Variants in RGS7 observed in about 807,000 individuals in gnomAD.
RGS7 encodes the protein regulator of G-protein signaling 7.
A neutral mutation model predicts 81.1 loss-of-function variants in RGS7; 27 were observed. That is an observed-to-expected ratio of 0.33 (90% CI 0.25 to 0.46). The LOEUF is 0.46. RGS7 is among the 20% of genes least tolerant of loss of function. The pLI is 1.00. For synonymous variants in RGS7, 208 were observed against 207.7 expected (o/e 1.00, Z -0.01); for missense variants, 396 against 607.4 (o/e 0.65, Z 3.66).
chr1:241,180,799 T>C (rs560669391), intron 2 of RGS7, among the ~76,000 whole-genome samples: 1 of 152,196 alleles, frequency 6.6e-6, no homozygotes, highest in South Asian at 2.1e-4. Context: ...CGCACGGGAG[T>C]CAAGAGCTCT....
intron 4 of RGS7, among the ~76,000 whole-genome samples, chr1:240,963,206 G>T (rs1179466401): frequency 6.6e-6 from 1 of 152,108 alleles, no homozygotes; most frequent in East Asian, 1.9e-4. Flanking sequence ...CACAGATTTG[G>T]GGATAGAAGA....
At chr1:240,903,422 G>T (rs1476034986) in intron 6 of RGS7, among the ~76,000 whole-genome samples, 1 of 151,922 alleles carries the variant, frequency 6.6e-6, no homozygotes, top group East Asian at 1.9e-4. Context: ...TTCCATGTTG[G>T]ACAGCACAAA....
intron 2 of RGS7, among the ~76,000 whole-genome samples, chr1:241,185,933 A>G (rs1222860796): frequency 6.6e-6 from 1 of 152,168 alleles, no homozygotes; most frequent in Non-Finnish European, 1.5e-5. Flanking sequence ...AAACAAATTA[A>G]ACCCAAAACA....
chr1:241,164,427 G>T lies in RGS7; in HGVS notation c.79-65665C>A, dbSNP rs527385756. Among the ~76,000 whole-genome samples, 1 of 151,944 alleles carries T rather than the reference G, an allele frequency of 6.6e-6. No homozygotes were observed. Among genetic ancestry groups the T allele is most frequent in the Non-Finnish European group, 1.5e-5 (1 of 68,000 alleles). On this transcript the variant is annotated intron_variant, in intron 2 of 18. Transcript: ENST00000440928. This position sits in a 1 kb window ranked among gnomAD's most constrained non-coding sequence, Gnocchi z 4.1. ...CCAATCATGCATTGGTCTTTTCAGC[G>T]TCCGGTCCCCATCCTGAAGCCACCT...
intron 9 of RGS7, among the ~76,000 whole-genome samples, chr1:240,865,008 A>G (rs1662973400): frequency 6.6e-6 from 1 of 152,060 alleles, no homozygotes; most frequent in Non-Finnish European, 1.5e-5. Flanking sequence ...CTTTTCACGA[A>G]GAAAGCTGAA....
chr1:241,078,485 A>ATGTGTGTGTG (rs60742879), intron 3 of RGS7, among the ~76,000 whole-genome samples: 14 of 143,610 alleles, frequency 9.7e-5, no homozygotes, highest in Middle Eastern at 3.7e-3. Context: ...CACGTAAGTT[A>ATGTGTGTGTG]TGTGTGTGTG....
At chr1:241,126,685 GC>G (rs1314406920) in intron 2 of RGS7, among the ~76,000 whole-genome samples, 1 of 152,118 alleles carries the variant, frequency 6.6e-6, no homozygotes, top group South Asian at 2.1e-4. Flanking sequence ...CCTACCTCCA[GC>G]CCCCCATACA....
intron 3 of RGS7, among the ~76,000 whole-genome samples, chr1:241,070,084 G>A (rs995445434): frequency 6.6e-6 from 1 of 152,284 alleles, no homozygotes; most frequent in Non-Finnish European, 1.5e-5. Context: ...AAGGACAGCA[G>A]TCACCTGCTC....
intron 2 of RGS7, among the ~76,000 whole-genome samples, chr1:241,296,540 A>C (rs940418919): frequency 6.6e-6 from 1 of 152,262 alleles, no homozygotes; most frequent in African/African-American, 2.4e-5. Flanking sequence ...TTTTAAAAAC[A>C]CATCTGGAGT....
At chr1:240,880,869 G>A (rs1006866038) in intron 6 of RGS7, among the ~76,000 whole-genome samples, 2 of 152,044 alleles carry the variant, frequency 1.3e-5, no homozygotes, top group Non-Finnish European at 2.9e-5. Context: ...TTTCCACTCT[G>A]TGCTAATAAT....
chr1:240,888,057 C>T (rs145594949), intron 6 of RGS7, among the ~76,000 whole-genome samples: 247 of 152,284 alleles, frequency 1.6e-3, no homozygotes, highest in African/African-American at 5.6e-3. Context: ...GGAGTATAGA[C>T]AAAGCTTCTA....
chr1:241,100,002 CTTTTT>C (rs1429485775), intron 2 of RGS7, among the ~76,000 whole-genome samples: 1 of 132,374 alleles, frequency 7.6e-6, no homozygotes, highest in African/African-American at 2.9e-5. Flanking sequence ...GTTATCTTTT[CTTTTT>C]ATCTATAAGC....
intron 3 of RGS7, among the ~76,000 whole-genome samples, chr1:241,013,236 T>C (rs919330171): frequency 6.6e-6 from 1 of 152,008 alleles, no homozygotes; most frequent in Non-Finnish European, 1.5e-5. Flanking sequence ...CTAATATTTG[T>C]ATTTTTTCTA....
At chr1:240,861,139 A>G (rs144518364) in intron 9 of RGS7, among the ~76,000 whole-genome samples, 1 of 152,306 alleles carries the variant, frequency 6.6e-6, no homozygotes, top group African/African-American at 2.4e-5. Context: ...CGAAAATGCT[A>G]CAAAATGCTG....
chr1:241,341,409 T>C (rs918095829), intron 2 of RGS7, among the ~76,000 whole-genome samples: 2 of 152,190 alleles, frequency 1.3e-5, no homozygotes, highest in Non-Finnish European at 2.9e-5. Context: ...TATACGTACA[T>C]GTAAAAATAC....
chr1:241,274,919 A>G (rs567676469), intron 2 of RGS7, among the ~76,000 whole-genome samples: 1 of 152,360 alleles, frequency 6.6e-6, no homozygotes, highest in Admixed American at 6.5e-5. Context: ...CAGAGTACTG[A>G]CGAGATATTT....
Position 240,870,133 on chromosome 1 carries a change from C to G in RGS7, c.386-14G>C, listed in dbSNP as rs774895266. 1.2e-6 allele frequency: 2 copies of G among 1,610,516 alleles called. No homozygotes were observed. The highest frequency in any genetic ancestry group is 2.2e-5 in the South Asian group (2 of 91,000). On this transcript the variant is annotated splice_polypyrimidine_tract_variant and intron_variant, in intron 6 of 18. Coordinates refer to ENST00000440928, the MANE Select transcript of RGS7 (RefSeq NM_001364886.1). ...AGAGGTAAACGGCTGAAAAAAAAAT[C>G]AATCATTTCTTGCCTGCTTATCAAC...
At chr1:240,923,082 G>A (rs922894618) in intron 6 of RGS7, among the ~76,000 whole-genome samples, 1 of 151,990 alleles carries the variant, frequency 6.6e-6, no homozygotes, top group Admixed American at 6.6e-5. Context: ...CTTGTTAAGT[G>A]AAAGAAGAAA....
chr1:240,881,405 C>T (rs188820720), intron 6 of RGS7, among the ~76,000 whole-genome samples: 58 of 152,132 alleles, frequency 3.8e-4, no homozygotes, highest in African/African-American at 1.4e-3. Flanking sequence ...ATGTAAATGA[C>T]GAGTTAATGG....
Sources: gnomAD v4.1 joint callset for allele counts (sites outside exome capture counted in the v4.1 genomes callset) on GRCh38, gnomAD v4.1.1 for gene constraint, Gnocchi (gnomAD v3.1) non-coding constraint, MANE v1.5 for transcripts, NCBI Gene and HGNC (gene_info 2026-07-23, HGNC 2026-07-21) for gene names.